DMD: variants seen among roughly 807,000 people sequenced by gnomAD.
DMD encodes the protein mutant dystrophin.
A neutral mutation model predicts 330.1 loss-of-function variants in DMD; 63 were observed. That is an observed-to-expected ratio of 0.19 (90% CI 0.16 to 0.24). The LOEUF is 0.24. Ranked by LOEUF, DMD falls within the 10% of genes least tolerant of loss-of-function variation. DMD has a pLI of 1.00. For synonymous variants in DMD, 1,223 were observed against 959.8 expected (o/e 1.27, Z -5.07); for missense variants, 3,344 against 2,684.1 (o/e 1.25, Z -5.43).
chrX:32,965,267 G>A (rs1414257942), intron 2 of DMD, among the ~76,000 whole-genome samples: 6 of 111,297 alleles, frequency 5.4e-5, no homozygotes, highest in Admixed American at 9.6e-5. Context: ...CAAGGTGGGC[G>A]GATCATTTGA....
chrX:31,649,735 G>T (rs1048451121), intron 54 of DMD, among the ~76,000 whole-genome samples: 3 of 110,473 alleles, frequency 2.7e-5, no homozygotes, highest in Non-Finnish European at 5.7e-5. Flanking sequence ...GGATTGTCTT[G>T]TAACTATACA....
intron 30 of DMD, among the ~76,000 whole-genome samples, chrX:32,400,038 T>G (rs746965418): frequency 9.0e-6 from 1 of 111,460 alleles, no homozygotes; most frequent in Admixed American, 9.5e-5. Context: ...CTTGTGCCAG[T>G]TTTCAAAGGG....
At chrX:31,266,713 C>G in intron 62 of DMD, 2 of 911,573 alleles carry the variant, frequency 2.2e-6, no homozygotes, top group Non-Finnish European at 3.1e-6. Context: ...AGCCGCCGCG[C>G]CTGTCCAAGT....
chrX:32,940,218 AT>A, intron 2 of DMD, among the ~76,000 whole-genome samples: 1 of 112,015 alleles, frequency 8.9e-6, no homozygotes, highest in African/African-American at 3.2e-5. Flanking sequence ...CATAGGGACT[AT>A]AGTCAGTAAT....
intron 5 of DMD, among the ~76,000 whole-genome samples, chrX:32,822,794 C>G (rs1369350614): frequency 1.8e-5 from 2 of 110,651 alleles, no homozygotes; most frequent in East Asian, 2.9e-4. Context: ...TCGGAAGACC[C>G]TATGCTCAGG....
chrX:33,107,319 C>CAA (rs1245320014), intron 1 of DMD, among the ~76,000 whole-genome samples: 1 of 77,759 alleles, frequency 1.3e-5, no homozygotes, highest in African/African-American at 4.6e-5. Flanking sequence ...TCCCCCCCCC[C>CAA]CCCCCAACAC....
At chrX:33,289,040 C>T (rs5972810) in intron 1 of DMD, among the ~76,000 whole-genome samples, 504 of 111,050 alleles carry the variant, frequency 4.5e-3, no homozygotes, top group Middle Eastern at 0.024. Flanking sequence ...AGTCATTAGG[C>T]TCGTCTCTGT....
At chrX:33,233,168 C>A (rs1005022655) in intron 1 of DMD, among the ~76,000 whole-genome samples, 10 of 111,759 alleles carry the variant, frequency 8.9e-5, no homozygotes, top group African/African-American at 3.3e-4. Context: ...TATCAAAGCA[C>A]CATATTGTAA....
chrX:32,822,379 T>TAC (rs1192389535), intron 5 of DMD, among the ~76,000 whole-genome samples: 2 of 110,984 alleles, frequency 1.8e-5, no homozygotes, highest in African/African-American at 6.5e-5. Context: ...TATATATATA[T>TAC]ACACATACAT....
intron 55 of DMD, among the ~76,000 whole-genome samples, chrX:31,588,007 C>G (rs751989303): frequency 2.7e-5 from 3 of 111,143 alleles, no homozygotes; most frequent in Non-Finnish European, 5.7e-5. Flanking sequence ...ATTATCTGTG[C>G]CCTCCCCAGA....
At chrX:32,794,619 A>G (rs1473032598) in intron 7 of DMD, among the ~76,000 whole-genome samples, 1 of 111,340 alleles carries the variant, frequency 9.0e-6, no homozygotes, top group Non-Finnish European at 1.9e-5. Context: ...AAAAAAAAGA[A>G]CAAGACAAGG....
chrX:33,331,152 C>T (rs1017917360), intron 1 of DMD, among the ~76,000 whole-genome samples: 1 of 111,680 alleles, frequency 9.0e-6, no homozygotes, highest in Non-Finnish European at 1.9e-5. Flanking sequence ...GGGCTCTAAT[C>T]CTGTCTGGAT....
At chrX:32,677,682 T>C (rs1602870458) in intron 9 of DMD, among the ~76,000 whole-genome samples, 1 of 111,697 alleles carries the variant, frequency 9.0e-6, no homozygotes, top group African/African-American at 3.2e-5. Context: ...CATGTTTACT[T>C]TGTGATCAGA....
chrX:32,431,461 A>G (rs748408488), intron 29 of DMD, among the ~76,000 whole-genome samples: 1 of 110,126 alleles, frequency 9.1e-6, no homozygotes, highest in East Asian at 2.9e-4. Flanking sequence ...CATTTTCTTT[A>G]TTCTCCTCTT....
intron 50 of DMD, among the ~76,000 whole-genome samples, chrX:31,785,072 A>AT (rs1490206800): frequency 3.6e-5 from 4 of 112,187 alleles, no homozygotes; most frequent in Non-Finnish European, 7.5e-5. Context: ...AAAATGTGGT[A>AT]TAGGACACAA....
intron 7 of DMD, among the ~76,000 whole-genome samples, chrX:32,741,435 A>C (rs1025991596): frequency 4.5e-5 from 5 of 111,604 alleles, no homozygotes; most frequent in Non-Finnish European, 9.4e-5. Context: ...CTTTTTAAAC[A>C]CAAAATCCTA....
chrX:31,183,346 A>C (rs2041369945), intron 67 of DMD, among the ~76,000 whole-genome samples: 1 of 110,034 alleles, frequency 9.1e-6, no homozygotes, highest in African/African-American at 3.3e-5. Flanking sequence ...AATCATAATG[A>C]GGGGCTTTAA....
chrX:31,344,877 A>G (rs1250849858), intron 61 of DMD, among the ~76,000 whole-genome samples: 3 of 110,642 alleles, frequency 2.7e-5, no homozygotes, highest in Non-Finnish European at 3.8e-5. Context: ...ACACACACAC[A>G]CGCAACCACA....
chrX:32,004,284 A>G (rs1239631015), intron 44 of DMD, among the ~76,000 whole-genome samples: 1 of 111,802 alleles, frequency 8.9e-6, no homozygotes, highest in Non-Finnish European at 1.9e-5. Flanking sequence ...TTATTCCTAA[A>G]ATAGATTAAT....
Sources: gnomAD v4.1 joint callset for allele counts (sites outside exome capture counted in the v4.1 genomes callset) on GRCh38, gnomAD v4.1.1 for gene constraint, MANE v1.5 for transcripts, NCBI Gene and HGNC (gene_info 2026-07-23, HGNC 2026-07-21) for gene names.